Variants in TOGARAM2 observed in about 807,000 individuals in gnomAD.
TOGARAM2 encodes TOG array regulator of axonemal microtubules protein 2.
In TOGARAM2, 85 loss-of-function variants were observed where a neutral mutation model predicts 93.3. That is an observed-to-expected ratio of 0.91 (90% CI 0.76 to 1.09). TOGARAM2 has a LOEUF of 1.09. Ranked by LOEUF, TOGARAM2 falls within the 50% of genes least tolerant of loss-of-function variation. The pLI is 0.00. For synonymous variants in TOGARAM2, 593 were observed against 552.8 expected, an observed-to-expected ratio of 1.07 and a Z score of -1.02; for missense variants, 1,277 against 1,334.5, an observed-to-expected ratio of 0.96 and a Z score of 0.67.
intron 18 of TOGARAM2, among the ~76,000 whole-genome samples, chr2:29,042,152 G>A (rs1163859207): frequency 6.6e-6 from 1 of 152,192 alleles, no homozygotes; most frequent in African/African-American, 2.4e-5. Context: ...GTGTCTTATT[G>A]AACCTGGAGG....
intron 6 of TOGARAM2, among the ~76,000 whole-genome samples, chr2:29,008,467 A>AT (rs1212238352): frequency 8.4e-6 from 1 of 118,984 alleles, no homozygotes; most frequent in Non-Finnish European, 1.8e-5. Flanking sequence ...AAATATATAT[A>AT]TTTTTTTGAG....
chr2:28,998,183 C>T lies in TOGARAM2; in HGVS notation c.69C>T (p.Ile23=). The T allele has an allele frequency of 1.2e-6, 2 of 1,611,628 alleles. No homozygotes were observed. The highest frequency in any genetic ancestry group is 1.7e-6 in the Non-Finnish European group (2 of 1,179,030). The change falls in exon 3 of 20, where the codon ATC becomes ATT. Residue 23 remains isoleucine (I), a synonymous_variant. Transcript: ENST00000379558. ...CCGTGGCCGTGTACTGCGGGAGCAT[C>T]CCTCGGACCAGTGCTGGGCCCCGGG... is the stretch of plus-strand genomic sequence containing the variant. ...LVPVAVYCGS[I]PRTSAGPRVL...
chr2:29,029,767 A>AT (rs58434420), intron 14 of TOGARAM2, among the ~76,000 whole-genome samples: 2 of 151,322 alleles, frequency 1.3e-5, no homozygotes, highest in African/African-American at 4.9e-5. Flanking sequence ...AAAAAAAAAA[A>AT]GAATGACATA....
At chr2:29,036,480 A>G (rs1379033417) in intron 17 of TOGARAM2, 61 bp from the exon 18 acceptor site, 2 of 1,550,780 alleles carry the variant, frequency 1.3e-6, no homozygotes, top group Admixed American at 1.7e-5. Flanking sequence ...AGCTGCCTGC[A>G]CTGTGGGAGT....
chr2:29,008,275 C>T (rs1033453526), intron 6 of TOGARAM2, among the ~76,000 whole-genome samples: 4 of 151,520 alleles, frequency 2.6e-5, no homozygotes, highest in African/African-American at 9.7e-5. Flanking sequence ...CGCAGCCTCC[C>T]GAGTAGCTGA....
intron 1 of TOGARAM2, among the ~76,000 whole-genome samples, chr2:28,987,757 A>G (rs1393739871): frequency 6.6e-6 from 1 of 152,180 alleles, no homozygotes; most frequent in South Asian, 2.1e-4. Flanking sequence ...ACCCCACCTG[A>G]TCTCACGATG....
chr2:28,991,403 TC>T (rs1461589553), intron 1 of TOGARAM2, among the ~76,000 whole-genome samples: 2 of 152,122 alleles, frequency 1.3e-5, no homozygotes, highest in Non-Finnish European at 2.9e-5. Flanking sequence ...TGTTTTTGGT[TC>T]CAGAATGAGA....
At chr2:29,043,819 C>A (rs368249215) in intron 18 of TOGARAM2, among the ~76,000 whole-genome samples, 1 of 152,120 alleles carries the variant, frequency 6.6e-6, no homozygotes, top group Non-Finnish European at 1.5e-5. Flanking sequence ...ATTTTTCTCA[C>A]GTTGTGTGTC....
chr2:29,009,177 GACT>G (rs986826513), intron 6 of TOGARAM2, among the ~76,000 whole-genome samples: 1 of 152,214 alleles, frequency 6.6e-6, no homozygotes, highest in Non-Finnish European at 1.5e-5. Context: ...ATGCCAGGCA[GACT>G]TCTCAGGGCA....
intron 7 of TOGARAM2, among the ~76,000 whole-genome samples, chr2:29,013,489 C>G (rs1664374084): frequency 6.6e-6 from 1 of 152,314 alleles, no homozygotes; most frequent in East Asian, 1.9e-4. Context: ...AGCCTCAAAC[C>G]AGGGACGCCA....
Position 29,024,266 on chromosome 2 carries a change from C to T in TOGARAM2, c.1745C>T (p.Ala582Val), listed in dbSNP as rs772815142. ...GCCCGCTGCTTGCTGCAGAAGATGG[C>T]GGACACCAACGAGTTCATCCAGAGA... is the stretch of plus-strand genomic sequence containing the variant. ...EIARCLLQKM[A>V]DTNEFIQRAA... The change falls in exon 13 of 20, where the codon GCG (alanine) becomes GTG (valine). Residue 582 changes from alanine (A) to valine (V), a missense_variant. Ala to Val is a moderately conservative substitution (Grantham distance 64). Transcript: ENST00000379558. 14 of 1,612,624 alleles carry T rather than the reference C, an allele frequency of 8.7e-6. No homozygotes were observed. Among genetic ancestry groups the T allele is most frequent in the South Asian group, 7.7e-5 (7 of 90,720 alleles).
rs1473795348 is a variant in TOGARAM2 at position 29,004,952 on chromosome 2, G to A, written c.830+1270G>A. Among the ~76,000 whole-genome samples the A allele has an allele frequency of 9.1e-3, 1,280 of 140,204 alleles. 36 individuals are homozygous for A. The highest frequency in any genetic ancestry group is 0.031 in the African/African-American group (1,119 of 36,204). 92.0% of individuals were successfully genotyped at this position (140,204 alleles called of 152,430 possible). On this transcript the variant is annotated intron_variant, in intron 6 of 19. Transcript: ENST00000379558. ...TGAGTGCATGTGTGTGCATGTGTGT[G>A]CATGTGTATGTGTGTGAGTGCATGT...
intron 1 of TOGARAM2, among the ~76,000 whole-genome samples, chr2:28,973,596 C>T (rs1225775246): frequency 6.6e-6 from 1 of 151,678 alleles, no homozygotes; most frequent in Non-Finnish European, 1.5e-5. Context: ...GATCATGGCT[C>T]ATTGTAGCCT....
At chr2:29,051,571 A>G (rs937332689) in intron 19 of TOGARAM2, 185 bp from the exon 20 acceptor site, 10 of 514,044 alleles carry the variant, frequency 1.9e-5, no homozygotes, top group Non-Finnish European at 3.4e-5. Context: ...ACATATTCAT[A>G]TATTTTCTAC....
intron 1 of TOGARAM2, among the ~76,000 whole-genome samples, chr2:28,966,240 C>T (rs1044381919): frequency 2.6e-5 from 4 of 152,058 alleles, no homozygotes; most frequent in African/African-American, 7.3e-5. Context: ...ATCCGCCTGC[C>T]TTGGTGTCCC....
At chr2:29,027,181 A>C (rs1428295478) in intron 14 of TOGARAM2, among the ~76,000 whole-genome samples, 170 bp downstream of exon 14, 2 of 152,176 alleles carry the variant, frequency 1.3e-5, no homozygotes, top group Admixed American at 6.5e-5. Context: ...CATCAAGCCA[A>C]GCCCATTCAG....
upstream of TOGARAM2, among the ~76,000 whole-genome samples, chr2:28,977,222 C>T (rs1672051165): frequency 2.0e-5 from 3 of 152,216 alleles, no homozygotes. Flanking sequence ...CTGGAACCAA[C>T]TCTCTGTCCA....
At chr2:29,018,676 C>T (rs1274105227) in intron 10 of TOGARAM2, 1 of 152,138 alleles carries the variant, frequency 6.6e-6, no homozygotes, top group East Asian at 1.9e-4. Flanking sequence ...TCTTTCTATC[C>T]TTTCAATTGT....
At chr2:29,029,293 A>ACC (rs1291387044) in intron 14 of TOGARAM2, among the ~76,000 whole-genome samples, 1 of 152,046 alleles carries the variant, frequency 6.6e-6, no homozygotes, top group Non-Finnish European at 1.5e-5. Flanking sequence ...ACACACACAC[A>ACC]CACACTGGAA....
Sources: gnomAD v4.1 joint callset for allele counts (sites outside exome capture counted in the v4.1 genomes callset) on GRCh38, gnomAD v4.1.1 for gene constraint, MANE v1.5 for transcripts, NCBI Gene and HGNC (gene_info 2026-07-23, HGNC 2026-07-21) for gene names.